FLNB: variants seen among roughly 807,000 people sequenced by gnomAD.
The protein encoded by FLNB is filamin B, also known as filamin-B.
FLNB carries 111 observed loss-of-function variants against 250.6 expected under a neutral mutation model. That is an observed-to-expected ratio of 0.44 (90% CI 0.38 to 0.52). The LOEUF is 0.52. Ranked by LOEUF, FLNB falls within the 20% of genes least tolerant of loss-of-function variation. The pLI is 0.00. For missense variants in FLNB, 2,869 were observed against 3,447.8 expected, an observed-to-expected ratio of 0.83 and a Z score of 4.20; for synonymous variants, 1,302 against 1,372.1, an observed-to-expected ratio of 0.95 and a Z score of 1.13.
At chr3:58,132,076 C>T in intron 25 of FLNB, 1 of 1,213,606 alleles carries the variant, frequency 8.2e-7, no homozygotes, top group African/African-American at 1.5e-5. Context: ...TTGCTGGCCT[C>T]ACTTCTAAAA....
Position 58,016,854 on chromosome 3 carries a change from C to T in FLNB, c.292+7998C>T, listed in dbSNP as rs370621903. 5.3e-5 allele frequency among the ~76,000 whole-genome samples: 8 copies of T among 152,258 alleles called. No homozygotes were observed. In the East Asian group the frequency reaches 1.2e-3, roughly 22 times the overall value. On this transcript the variant is annotated intron_variant, in intron 1 of 45. Coordinates refer to ENST00000295956, the MANE Select transcript of FLNB (RefSeq NM_001457.4). ...ATGAGCCATTTTAATCTAAATGGGG[C>T]TATTTCCTGCTTTTATAATGATTAC...
intron 11 of FLNB, 88 bp downstream of exon 11, chr3:58,105,304 C>G (rs1190814117): frequency 2.6e-6 from 4 of 1,555,758 alleles, no homozygotes; most frequent in Non-Finnish European, 3.5e-6. Flanking sequence ...TGGGGCCTTG[C>G]CTAGCCTCAA....
rs751757955 is a variant in FLNB at position 58,155,980 on chromosome 3, A to C, written c.6793A>C (p.Lys2265Gln). Reference protein sequence around the residue: ...QEPGNYEVSIKFNDEHIPESP... With the variant: ...QEPGNYEVSIQFNDEHIPESP... ...CATAGGTAACTACGAGGTGTCCATC[A>C]AGTTCAATGATGAGCACATCCCGGA... Residue 2265 changes from lysine (K) to glutamine (Q), a missense_variant, in exon 41 of 46, where the codon AAG (lysine) becomes CAG (glutamine). Physicochemically the swap from Lys to Gln is moderately conservative, Grantham distance 53 (BLOSUM62 1). This residue lies in a region of FLNB where 1,084 missense variants were observed against 1,315.5 expected (regional missense o/e 0.82). Transcript: ENST00000295956. The C allele has an allele frequency of 1.9e-6, 3 of 1,613,728 alleles. No homozygotes were observed. Among genetic ancestry groups the C allele is most frequent in the South Asian group, 1.1e-5 (1 of 91,068 alleles).
chr3:58,020,906 G>A (rs1325641397), intron 1 of FLNB, among the ~76,000 whole-genome samples: 1 of 151,958 alleles, frequency 6.6e-6, no homozygotes, highest in Non-Finnish European at 1.5e-5. Context: ...CCTTCAACAG[G>A]CAGGAACGGT....
rs1415025249 is a variant in FLNB, at chr3:58,121,440, T to C, written c.3063T>C (p.Asp1021=). 6 of 1,614,002 alleles carry C rather than the reference T, an allele frequency of 3.7e-6. No homozygotes were observed. The highest frequency in any genetic ancestry group is 1.7e-5 in the Admixed American group (1 of 60,000). ...TGTATGCTGTAGACGTGACCTACGA[T>C]GGACACCCTGTGCCCGGGAGCCCCT... ...EGLYAVDVTY[D]GHPVPGSPYT... is the part of the protein sequence containing the mutation. Residue 1021 remains aspartate (D), a synonymous_variant, in exon 20 of 46, where the codon GAT becomes GAC. Coordinates refer to ENST00000295956, the MANE Select transcript of FLNB (RefSeq NM_001457.4).
At chr3:58,071,149 C>T (rs2097193842) in intron 1 of FLNB, among the ~76,000 whole-genome samples, 1 of 151,538 alleles carries the variant, frequency 6.6e-6, no homozygotes, top group African/African-American at 2.4e-5. Flanking sequence ...ACAGGGTGTC[C>T]CTATGTTGCC....
At chr3:58,098,091 C>T (rs1451359578) in intron 7 of FLNB, 114 bp downstream of exon 7, 1 of 1,150,942 alleles carries the variant, frequency 8.7e-7, no homozygotes, top group Non-Finnish European at 1.3e-6. Flanking sequence ...AATAAATAAT[C>T]ACAAAGACAA....
intron 12 of FLNB, 55 bp from the exon 13 acceptor site, chr3:58,108,403 A>T: frequency 8.8e-7 from 1 of 1,134,796 alleles, no homozygotes. Context: ...TCTTTGTATA[A>T]GGGTTTAGTT....
intron 1 of FLNB, among the ~76,000 whole-genome samples, chr3:58,046,268 C>T (rs948391949): frequency 6.6e-6 from 1 of 152,012 alleles, no homozygotes; most frequent in African/African-American, 2.4e-5. Context: ...ATACTGCCTT[C>T]TGCTAGGAAG....
chr3:58,064,888 AC>A (rs1210764626), intron 1 of FLNB, among the ~76,000 whole-genome samples: 1 of 152,062 alleles, frequency 6.6e-6, no homozygotes, highest in Non-Finnish European at 1.5e-5. Context: ...AGACACACAC[AC>A]ACTGGCTAGG....
chr3:58,111,969 C>G (rs1249634567), intron 17 of FLNB, 88 bp downstream of exon 17: 2 of 1,246,390 alleles, frequency 1.6e-6, no homozygotes, highest in East Asian at 4.6e-5. Context: ...GGAACTTCAT[C>G]TCCACCAACA....
intron 1 of FLNB, among the ~76,000 whole-genome samples, chr3:58,019,246 A>C (rs2097110286): frequency 6.6e-6 from 1 of 152,194 alleles, no homozygotes; most frequent in South Asian, 2.1e-4. Flanking sequence ...CCAACCACTA[A>C]TCAATGCTAT....
Position 58,021,026 on chromosome 3 carries a change from G to A in FLNB, c.292+12170G>A, listed in dbSNP as rs888207562. Among the ~76,000 whole-genome samples, 3 of 152,070 alleles carry A rather than the reference G, an allele frequency of 2.0e-5. No homozygotes were observed. In the South Asian group the frequency reaches 6.2e-4, roughly 32 times the overall value. ...AAAATAGGATTTCTCAGTTTCCCCC[G>A]TGTCCCAAGAAAATAAGTTCTTATC... On this transcript the variant is annotated intron_variant, in intron 1 of 45. Transcript: ENST00000295956.
chr3:58,058,318 T>C (rs1422299001), intron 1 of FLNB, among the ~76,000 whole-genome samples: 2 of 152,148 alleles, frequency 1.3e-5, no homozygotes, highest in Non-Finnish European at 2.9e-5. Context: ...TTCACATAAT[T>C]TGATGTTCCA....
chr3:58,165,755 TGGTCC>T (rs1477436002), intron 43 of FLNB: 1 of 152,108 alleles, frequency 6.6e-6, no homozygotes, highest in Non-Finnish European at 1.5e-5. Context: ...CCTAATGAAA[TGGTCC>T]AGGAACCCCA....
intron 1 of FLNB, among the ~76,000 whole-genome samples, chr3:58,016,575 T>C (rs1305384482): frequency 6.6e-6 from 1 of 151,808 alleles, no homozygotes; most frequent in East Asian, 1.9e-4. Context: ...TCTTTTTAGA[T>C]GACAAATCCA....
rs1303022656 is a variant in FLNB, at chr3:58,132,934, A to C, written c.4514+3A>C. On this transcript the variant is annotated splice_donor_region_variant and intron_variant, in intron 26 of 45. Coordinates refer to ENST00000295956, the MANE Select transcript of FLNB (RefSeq NM_001457.4). ...GCTGATGAAGAGATTCCTCGCAGGT[A>C]AGCTCCATCCATCTGCCCATCCATT... 6.2e-7 allele frequency: 1 copy of C among 1,611,738 alleles called. No individual in the cohort carries two copies. Among genetic ancestry groups the C allele is most frequent in the East Asian group, 2.2e-5 (1 of 44,842 alleles).
chr3:58,132,677 T>C (rs1223071587), intron 25 of FLNB, 131 bp from the exon 26 acceptor site: 48 of 1,132,938 alleles, frequency 4.2e-5, no homozygotes, highest in Non-Finnish European at 6.1e-5. Context: ...TTATGGTTGC[T>C]GGCCTTTTTG....
intron 21 of FLNB, among the ~76,000 whole-genome samples, chr3:58,123,919 T>C (rs953162844): frequency 6.6e-6 from 1 of 152,080 alleles, no homozygotes; most frequent in Non-Finnish European, 1.5e-5. Flanking sequence ...TGTTTCTCCA[T>C]GGGGAACAGG....
Sources: gnomAD v4.1 joint callset for allele counts (sites outside exome capture counted in the v4.1 genomes callset) on GRCh38, gnomAD v4.1.1 for gene constraint, gnomAD v4.1.1 regional missense constraint, MANE v1.5 for transcripts, NCBI Gene and HGNC (gene_info 2026-07-23, HGNC 2026-07-21) for gene names.